Variants in BACH2 observed in about 807,000 individuals in gnomAD.
BACH2 encodes BACH transcriptional regulator 2.
In BACH2, 5 loss-of-function variants were observed where a neutral mutation model predicts 61.8. That is an observed-to-expected ratio of 0.08 (90% CI 0.04 to 0.17). BACH2 has a LOEUF of 0.17. Among genes scored for constraint, BACH2 ranks in the 10% least tolerant of loss-of-function variants. The probability of loss-of-function intolerance (pLI) is 1.00; values close to 1 mark genes in which losing one functional copy is unlikely to be tolerated. For synonymous variants in BACH2, 446 were observed against 440.1 expected (o/e 1.01, Z -0.17); for missense variants, 824 against 1,091.1 (o/e 0.76, Z 3.45).
At chr6:90,254,098 T>A (rs766684163) in intron 2 of BACH2, among the ~76,000 whole-genome samples, 3 of 151,354 alleles carry the variant, frequency 2.0e-5, no homozygotes, top group Non-Finnish European at 2.9e-5. Context: ...AGAACTGACA[T>A]AAAAGAATGA....
intron 3 of BACH2, among the ~76,000 whole-genome samples, chr6:90,246,638 G>A (rs1770648112): frequency 6.6e-6 from 1 of 152,038 alleles, no homozygotes; most frequent in East Asian, 1.9e-4. Flanking sequence ...CAAGAAAAAT[G>A]AGTACATATA....
At chr6:90,213,443 G>C (rs1439983737) in intron 3 of BACH2, among the ~76,000 whole-genome samples, 1 of 152,118 alleles carries the variant, frequency 6.6e-6, no homozygotes. Flanking sequence ...AAACCTCCGG[G>C]AGAGAAAACT....
intron 5 of BACH2, among the ~76,000 whole-genome samples, chr6:90,070,542 T>G (rs1582307731): frequency 2.0e-5 from 3 of 152,204 alleles, no homozygotes; most frequent in Admixed American, 2.0e-4. Context: ...TAATTCTGCA[T>G]GGAGTGAGGA....
At chr6:89,969,682 C>T (rs1183254020) in intron 6 of BACH2, among the ~76,000 whole-genome samples, 2 of 152,150 alleles carry the variant, frequency 1.3e-5, no homozygotes, top group African/African-American at 4.8e-5. Context: ...AACCAGTGCC[C>T]TCCACCCCAC....
chr6:90,262,252 G>C (rs1352561730), intron 2 of BACH2, among the ~76,000 whole-genome samples: 5 of 152,118 alleles, frequency 3.3e-5, no homozygotes, highest in Non-Finnish European at 4.4e-5. Context: ...GCCTTGTATG[G>C]GCTCTTTGCC....
At position 90,222,639 on chromosome 6, in the gene BACH2, T is replaced by C. The variant is rs1201793649; in HGVS notation, c.-274-15958A>G. 3.3e-5 allele frequency among the ~76,000 whole-genome samples: 5 copies of C among 152,358 alleles called. No homozygotes were observed. The South Asian group carries it at 8.3e-4, about 25-fold the overall frequency. On this transcript the variant is annotated intron_variant, in intron 3 of 8. Coordinates refer to ENST00000257749, the MANE Select transcript of BACH2 (RefSeq NM_021813.4). Reference sequence around the variant, plus strand: ...AATGCAGTGTCACTTATGTAGGATATAGTAAATTCCTCTTCAAAGAACCAA... The same window carrying C: ...AATGCAGTGTCACTTATGTAGGATACAGTAAATTCCTCTTCAAAGAACCAA...
chr6:89,988,406 T>G (rs7761142), intron 6 of BACH2, among the ~76,000 whole-genome samples: 41,249 of 152,050 alleles, frequency 0.27, 6,989 homozygotes, highest in African/African-American at 0.47. Context: ...CATCTTGTAT[T>G]TTCTTGGGCT....
At chr6:90,151,662 A>G (rs191374452) in intron 4 of BACH2, among the ~76,000 whole-genome samples, 22 of 152,308 alleles carry the variant, frequency 1.4e-4, no homozygotes, top group Non-Finnish European at 2.9e-4. Context: ...TAAGGGTAGG[A>G]ACTATGTGAT....
chr6:90,105,072 G>A lies in BACH2; in HGVS notation c.-161-15963C>T, dbSNP rs907251019. Among the ~76,000 whole-genome samples the A allele has an allele frequency of 2.6e-5, 4 of 152,182 alleles. No individual in the cohort carries two copies. In the East Asian group the frequency reaches 7.7e-4, roughly 29 times the overall value. On this transcript the variant is annotated intron_variant, in intron 4 of 8. Transcript: ENST00000257749. ...ATGAGCTTCAATTGTGCCTTTGTCT[G>A]GAGCCCTACAAATATTACAGCCAGA...
intron 3 of BACH2, among the ~76,000 whole-genome samples, chr6:90,207,648 G>C (rs918348082): frequency 6.6e-6 from 1 of 151,942 alleles, no homozygotes; most frequent in Admixed American, 6.6e-5. Flanking sequence ...GGTTTAACTG[G>C]AACTGCAGTG....
At chr6:90,202,361 C>T (rs879519401) in intron 4 of BACH2, among the ~76,000 whole-genome samples, 2 of 152,072 alleles carry the variant, frequency 1.3e-5, no homozygotes, top group South Asian at 2.1e-4. Flanking sequence ...TACTGATCTG[C>T]GTGTAAACGT....
intron 4 of BACH2, among the ~76,000 whole-genome samples, chr6:90,119,146 G>A (rs1375073767): frequency 1.3e-5 from 2 of 152,158 alleles, no homozygotes; most frequent in Non-Finnish European, 2.9e-5. Context: ...TCTTTAGGTG[G>A]CACTTGCAAG....
intron 5 of BACH2, among the ~76,000 whole-genome samples, chr6:90,076,727 C>G (rs1043362000): frequency 5.3e-5 from 8 of 152,144 alleles, no homozygotes; most frequent in African/African-American, 1.9e-4. Context: ...CGTGTCGTGG[C>G]CTGACACTGA....
At chr6:89,958,482 C>A (rs1774550853) in intron 6 of BACH2, among the ~76,000 whole-genome samples, 1 of 152,200 alleles carries the variant, frequency 6.6e-6, no homozygotes, top group Non-Finnish European at 1.5e-5. Flanking sequence ...ACTGACAGTG[C>A]CTGCCTTATA....
intron 3 of BACH2, among the ~76,000 whole-genome samples, chr6:90,236,919 A>G (rs767605344): frequency 1.2e-4 from 18 of 151,878 alleles, no homozygotes; most frequent in Non-Finnish European, 1.5e-4. Flanking sequence ...GGACTCAGGA[A>G]GGCCAATGTT....
chr6:90,123,725 C>A (rs1025950734), intron 4 of BACH2, among the ~76,000 whole-genome samples: 4 of 143,248 alleles, frequency 2.8e-5, no homozygotes, highest in African/African-American at 5.3e-5. Context: ...AGCCGAGATC[C>A]CGCCACTGCA....
chr6:89,947,074 G>T (rs1022277426), intron 7 of BACH2, among the ~76,000 whole-genome samples: 4 of 152,132 alleles, frequency 2.6e-5, no homozygotes, highest in Non-Finnish European at 2.9e-5. Context: ...GAAAACACAC[G>T]CGAAGTATTA....
At chr6:90,233,098 A>T (rs547062556) in intron 3 of BACH2, among the ~76,000 whole-genome samples, 97 of 152,320 alleles carry the variant, frequency 6.4e-4, no homozygotes, top group Admixed American at 5.8e-3. Context: ...AAGCAACATC[A>T]ATTTCTCATA....
At chr6:90,240,245 T>C (rs1439162407) in intron 3 of BACH2, among the ~76,000 whole-genome samples, 1 of 152,172 alleles carries the variant, frequency 6.6e-6, no homozygotes, top group East Asian at 1.9e-4. Flanking sequence ...TAATGAAATA[T>C]CAAAAAGTTT....
Sources: allele counts gnomAD v4.1 joint callset (sites outside exome capture counted in the v4.1 genomes callset), GRCh38; gene constraint gnomAD v4.1.1; transcripts MANE v1.5; gene names NCBI Gene and HGNC (gene_info 2026-07-23, HGNC 2026-07-21).